The following DCDC1 variants were observed in gnomAD, a reference collection of about 807,000 sequenced individuals.
DCDC1 encodes the protein doublecortin domain-containing protein 1.
DCDC1 carries 200 observed loss-of-function variants against 178.3 expected under a neutral mutation model. The ratio of observed to expected loss-of-function variants is 1.12; its 90% confidence interval spans 1.00 to 1.26. The LOEUF (loss-of-function observed/expected upper bound fraction) is 1.26, where lower values mean the gene tolerates loss of function less well. Among genes scored for constraint, DCDC1 ranks in the 50% most tolerant of loss-of-function variants. The probability of loss-of-function intolerance (pLI) is 0.00; values close to 1 mark genes in which losing one functional copy is unlikely to be tolerated. For missense variants in DCDC1, 1,983 were observed against 1,749.2 expected (o/e 1.13, Z -2.38); for synonymous variants, 690 against 604.8 (o/e 1.14, Z -2.07).
intron 36 of DCDC1, among the ~76,000 whole-genome samples, chr11:30,888,082 GAGAA>G (rs1375836230): frequency 1.0e-5 from 1 of 96,306 alleles, no homozygotes; most frequent in Non-Finnish European, 2.1e-5. Flanking sequence ...GAGAGAGAGA[GAGAA>G]AGAAAGAAAG....
chr11:30,891,175 T>TA (rs1448583821), intron 36 of DCDC1, among the ~76,000 whole-genome samples: 1 of 152,208 alleles, frequency 6.6e-6, no homozygotes, highest in East Asian at 1.9e-4. Flanking sequence ...TACTGCTACT[T>TA]ACGACTATTG....
intron 9 of DCDC1, among the ~76,000 whole-genome samples, chr11:31,213,445 G>C (rs968551524): frequency 2.6e-5 from 4 of 151,892 alleles, no homozygotes; most frequent in Non-Finnish European, 4.4e-5. Flanking sequence ...TCAGCAGGGG[G>C]CGGTGGCTTA....
Position 30,908,964 on chromosome 11 carries a change from T to C in DCDC1, c.3900A>G (p.Glu1300=), listed in dbSNP as rs1163187172. ...AGVCTSSVIK[E]ENIDQPGYCY... The stretch of plus-strand genomic sequence containing the variant: ...CACTTACTGGTTGATCAATGTTTTC[T>C]TCTTTAATCACAGATGATGTACAGA... The change falls in exon 29 of 39, where the codon GAA becomes GAG. Residue 1300 remains glutamate, a synonymous_variant. Transcript: ENST00000684477. 3.7e-6 allele frequency: 6 copies of C among 1,602,570 alleles called. No individual in the cohort carries two copies. Among genetic ancestry groups the C allele is most frequent in the Non-Finnish European group, 5.1e-6 (6 of 1,173,652 alleles).
chr11:31,190,142 C>T (rs866495247), intron 9 of DCDC1, among the ~76,000 whole-genome samples: 2 of 152,192 alleles, frequency 1.3e-5, no homozygotes, highest in Non-Finnish European at 2.9e-5. Context: ...GAAGATAGCA[C>T]ATACTTTACC....
rs1176942329 is a variant in DCDC1, at chr11:31,328,945, C to CTTTTTTTTTT, written c.-6-669_-6-660dup. Among the ~76,000 whole-genome samples the CTTTTTTTTTT allele has an allele frequency of 1.7e-4, 8 of 47,788 alleles. 1 individual carries two copies. The highest frequency in any genetic ancestry group is 3.4e-4 in the Non-Finnish European group (8 of 23,766). 31.4% of individuals were successfully genotyped at this position (47,788 alleles called of 152,430 possible). ...GTTACTGAAAAAGCACACCACAAGG[C>CTTTTTTTTTT]TTTTTTTTTTTTTTTTTTTTTTTTT... On this transcript the variant is annotated intron_variant, in intron 2 of 38. Transcript: ENST00000684477.
chr11:31,020,388 TC>T (rs1175023874), intron 20 of DCDC1, among the ~76,000 whole-genome samples: 1 of 152,022 alleles, frequency 6.6e-6, no homozygotes, highest in Non-Finnish European at 1.5e-5. Flanking sequence ...TCTAGAAAAT[TC>T]TAGAAAAACA....
chr11:31,020,017 A>G, intron 20 of DCDC1, among the ~76,000 whole-genome samples: 1 of 152,164 alleles, frequency 6.6e-6, no homozygotes, highest in East Asian at 1.9e-4. Flanking sequence ...CCCTTCATGG[A>G]ACATGTAGCA....
chr11:31,064,761 G>A (rs558876281), intron 19 of DCDC1, 135 bp from the exon 20 acceptor site: 18 of 591,430 alleles, frequency 3.0e-5, no homozygotes, highest in East Asian at 1.9e-4. Flanking sequence ...TCCTTTGTAC[G>A]TGGCCAAAAG....
chr11:31,303,414 T>G (rs1274238955), intron 6 of DCDC1, among the ~76,000 whole-genome samples: 2 of 152,194 alleles, frequency 1.3e-5, no homozygotes, highest in African/African-American at 4.8e-5. Flanking sequence ...TGATCATGTC[T>G]CTTTAAGTTT....
chr11:31,247,813 C>T (rs1223284753), intron 8 of DCDC1, among the ~76,000 whole-genome samples: 2 of 151,862 alleles, frequency 1.3e-5, no homozygotes, highest in Non-Finnish European at 2.9e-5. Context: ...TCTTTCTTTC[C>T]CCTTCAACAA....
At chr11:31,222,676 T>C (rs944042848) in intron 9 of DCDC1, among the ~76,000 whole-genome samples, 1 of 152,166 alleles carries the variant, frequency 6.6e-6, no homozygotes, top group African/African-American at 2.4e-5. Context: ...CAGGTTCTGG[T>C]GAGGAGTCTC....
At chr11:30,869,984 T>G (rs1037575940) in intron 38 of DCDC1, among the ~76,000 whole-genome samples, 6 of 151,850 alleles carry the variant, frequency 4.0e-5, no homozygotes, top group African/African-American at 1.2e-4. Context: ...GGGGTGGGGG[T>G]GTGTGCAGTG....
chr11:30,916,790 C>A, intron 26 of DCDC1, 80 bp downstream of exon 26: 1 of 1,400,952 alleles, frequency 7.1e-7, no homozygotes, highest in African/African-American at 1.4e-5. Context: ...AGTGAAAACT[C>A]TTGGGAATAT....
Position 31,147,513 on chromosome 11 carries a change from A to G in DCDC1, c.1222-9729T>C, listed in dbSNP as rs79157732. ...TTGTACTTGCAAAGGCCTGAAAGAA[A>G]AGCACACTGATAATTTAAAAATCAT... On this transcript the variant is annotated intron_variant, in intron 9 of 38. Coordinates refer to ENST00000684477, the MANE Select transcript of DCDC1 (RefSeq NM_001387274.1). Among the ~76,000 whole-genome samples the G allele has an allele frequency of 5.9e-3, 894 of 152,332 alleles. 10 individuals carry two copies. The highest frequency in any genetic ancestry group is 0.02 in the African/African-American group (852 of 41,576).
intron 8 of DCDC1, among the ~76,000 whole-genome samples, chr11:31,252,052 G>A (rs1944075647): frequency 6.6e-6 from 1 of 152,146 alleles, no homozygotes; most frequent in South Asian, 2.1e-4. Context: ...TTAATAGAAT[G>A]ATAAAATTAA....
intron 11 of DCDC1, 44 bp from the exon 12 acceptor site, chr11:31,110,405 A>G: frequency 1.5e-6 from 1 of 681,472 alleles, no homozygotes; most frequent in Non-Finnish European, 2.7e-6. Flanking sequence ...ATACATGCAC[A>G]CATACATACA....
intron 21 of DCDC1, among the ~76,000 whole-genome samples, chr11:30,933,866 C>A (rs1947094558): frequency 6.6e-6 from 1 of 152,218 alleles, no homozygotes; most frequent in African/African-American, 2.4e-5. Flanking sequence ...TCAATTCCAG[C>A]ATTCTCTGCC....
At chr11:31,263,190 C>A in intron 8 of DCDC1, 2 of 972,254 alleles carry the variant, frequency 2.1e-6, no homozygotes, top group East Asian at 5.4e-5. Flanking sequence ...GCAGTTCATT[C>A]AAATCTGATG....
chr11:30,887,944 A>C (rs1325186166), intron 36 of DCDC1, among the ~76,000 whole-genome samples: 1 of 150,708 alleles, frequency 6.6e-6, no homozygotes, highest in Admixed American at 6.6e-5. Context: ...TGGAGGTTGC[A>C]GTGAGCTGAG....
Sources: allele counts gnomAD v4.1 joint callset (sites outside exome capture counted in the v4.1 genomes callset), GRCh38; gene constraint gnomAD v4.1.1; transcripts MANE v1.5; gene names NCBI Gene and HGNC (gene_info 2026-07-23, HGNC 2026-07-21).